Variants in ADCY5 observed in about 807,000 individuals in gnomAD.
ADCY5 encodes adenylate cyclase 5, also known as adenylate cyclase type 5.
ADCY5 carries 30 observed loss-of-function variants against 119.7 expected under a neutral mutation model. The ratio of observed to expected loss-of-function variants is 0.25; its 90% CI spans 0.19 to 0.34. ADCY5 has a LOEUF of 0.34. ADCY5 is among the 10% of genes least tolerant of loss of function. The pLI is 1.00. For missense variants in ADCY5, 1,324 were observed against 1,775.2 expected (o/e 0.75, Z 4.57); for synonymous variants, 753 against 762.2 (o/e 0.99, Z 0.20).
intron 2 of ADCY5, among the ~76,000 whole-genome samples, chr3:123,349,262 C>T (rs4450740): frequency 0.54 from 82,435 of 152,102 alleles, 23,654 homozygotes; most frequent in African/African-American, 0.74. Flanking sequence ...TGCACCAGTG[C>T]CAACATCCTG....
chr3:123,308,028 CTTTTTTTTTT>C (rs1178147327), intron 12 of ADCY5, among the ~76,000 whole-genome samples: 1 of 85,658 alleles, frequency 1.2e-5, no homozygotes, highest in African/African-American at 4.8e-5. Context: ...TTTTCATGCT[CTTTTTTTTTT>C]TTTTTTTTTT....
At chr3:123,432,619 C>T (rs1413929142) in intron 1 of ADCY5, among the ~76,000 whole-genome samples, 4 of 152,174 alleles carry the variant, frequency 2.6e-5, no homozygotes, top group African/African-American at 9.7e-5. Context: ...CAGCCTCGAC[C>T]TCCTGGGCTC....
chr3:123,297,456 C>T, intron 15 of ADCY5, 74 bp from the exon 16 acceptor site: 1 of 1,501,286 alleles, frequency 6.7e-7, no homozygotes, highest in African/African-American at 1.4e-5. Flanking sequence ...TGCTCAGCCC[C>T]CACGCCCTGC....
intron 14 of ADCY5, among the ~76,000 whole-genome samples, chr3:123,301,552 C>G (rs1020086294): frequency 6.6e-6 from 1 of 152,222 alleles, no homozygotes; most frequent in Admixed American, 6.5e-5. Flanking sequence ...GGGGACCCCC[C>G]AGGGTCTGGT....
intron 12 of ADCY5, among the ~76,000 whole-genome samples, chr3:123,307,546 G>T (rs1940266993): frequency 3.9e-5 from 6 of 152,214 alleles, no homozygotes; most frequent in Admixed American, 3.9e-4. Context: ...AGCTGGGGAA[G>T]TGTTTTGGCA....
chr3:123,355,163 A>G (rs1318862653), intron 1 of ADCY5, among the ~76,000 whole-genome samples: 2 of 152,230 alleles, frequency 1.3e-5, no homozygotes, highest in African/African-American at 4.8e-5. Flanking sequence ...AAGAAATAAA[A>G]CTGTCTCTAT....
Position 123,300,092 on chromosome 3 carries a change from T to C in ADCY5, c.2900+28A>G, listed in dbSNP as rs756813802. On this transcript the variant is annotated intron_variant, in intron 15 of 20. Transcript: ENST00000462833. ...CCTCCCTGCAATGTCTCATGCCCAG[T>C]GGGGAGCGTGAGGGAGGTGCCCCAT... The C allele has an allele frequency of 9.9e-6, 16 of 1,610,782 alleles. 1 individual carries two copies. In the South Asian group the frequency reaches 1.5e-4, roughly 16 times the overall value.
chr3:123,447,281 T>C (rs1167123907), intron 1 of ADCY5, 131 bp downstream of exon 1: 1 of 1,079,550 alleles, frequency 9.3e-7, no homozygotes. Context: ...CCAAATAGCC[T>C]ACATGGCCGA....
At chr3:123,395,198 A>G (rs1355817491) in intron 1 of ADCY5, among the ~76,000 whole-genome samples, 2 of 152,192 alleles carry the variant, frequency 1.3e-5, no homozygotes, top group Admixed American at 1.3e-4. Flanking sequence ...TGGTCTAACT[A>G]TCTGATAAAT....
Position 123,327,651 on chromosome 3 carries a change from C to T in ADCY5, c.1914G>A (p.Glu638=), listed in dbSNP as rs377549844. 3.7e-6 allele frequency: 6 copies of T among 1,613,986 alleles called. No individual in the cohort carries two copies. The highest frequency in any genetic ancestry group is 3.3e-5 in the Admixed American group (2 of 59,980). ...RNAYLKEHSI[E]TFLILRCTQK... Reference sequence around the variant, plus strand: ...GGGTGCAGCGCAGGATGAGGAAGGTCTCGATACTGTGCTCCTTGAGGTAGG... The same window carrying T: ...GGGTGCAGCGCAGGATGAGGAAGGTTTCGATACTGTGCTCCTTGAGGTAGG... The change falls in exon 7 of 21, where the codon GAG becomes GAA. Residue 638 remains glutamate (E), a synonymous_variant. Coordinates refer to ENST00000462833, the MANE Select transcript of ADCY5 (RefSeq NM_183357.3).
intron 1 of ADCY5, among the ~76,000 whole-genome samples, chr3:123,413,489 C>T (rs1945108985): frequency 6.6e-6 from 1 of 152,166 alleles, no homozygotes; most frequent in African/African-American, 2.4e-5. Flanking sequence ...AGAGGGCCTC[C>T]CCTCAGAAAC....
intron 3 of ADCY5, among the ~76,000 whole-genome samples, chr3:123,337,999 G>A (rs1022887820): frequency 5.3e-5 from 8 of 152,154 alleles, no homozygotes; most frequent in East Asian, 1.9e-4. Context: ...CCCAGCAGAC[G>A]CTCCCAGCCA....
intron 1 of ADCY5, among the ~76,000 whole-genome samples, chr3:123,396,737 G>GT (rs1944588870): frequency 6.8e-5 from 1 of 14,792 alleles, no homozygotes; most frequent in African/African-American, 1.5e-4. Context: ...GAGGAAGGAA[G>GT]GAAGGAAGGA....
At chr3:123,406,888 A>G (rs1019670333) in intron 1 of ADCY5, among the ~76,000 whole-genome samples, 3 of 152,068 alleles carry the variant, frequency 2.0e-5, no homozygotes, top group Non-Finnish European at 4.4e-5. Context: ...TGCCACTAGC[A>G]CACCCACCCT....
At chr3:123,428,059 C>T (rs984963016) in intron 1 of ADCY5, among the ~76,000 whole-genome samples, 1 of 152,192 alleles carries the variant, frequency 6.6e-6, no homozygotes, top group Non-Finnish European at 1.5e-5. Flanking sequence ...CGGACAGGGA[C>T]CCATGTCTGA....
At chr3:123,324,787 G>A (rs1328090746) in intron 8 of ADCY5, among the ~76,000 whole-genome samples, 1 of 152,230 alleles carries the variant, frequency 6.6e-6, no homozygotes, top group Non-Finnish European at 1.5e-5. Flanking sequence ...CCACTGGAAG[G>A]CTGGCATTAG....
chr3:123,324,326 C>T (rs1941364267), intron 8 of ADCY5, among the ~76,000 whole-genome samples: 1 of 151,958 alleles, frequency 6.6e-6, no homozygotes, highest in African/African-American at 2.4e-5. Flanking sequence ...ACAACCTCAA[C>T]CCAGTCTGCT....
chr3:123,419,204 G>A lies in ADCY5; in HGVS notation c.1134+28208C>T, dbSNP rs1010300123. On this transcript the variant is annotated intron_variant, in intron 1 of 20. Coordinates refer to ENST00000462833, the MANE Select transcript of ADCY5 (RefSeq NM_183357.3). ...CTCATCATGATTCCAGGCCCTCCAT[G>A]CATCTGACGAGCACACAGTCAGGTG... The A allele has an allele frequency of 1.9e-5, 19 of 985,258 alleles. No individual in the cohort carries two copies. The African/African-American group carries it at 2.6e-4, about 14-fold the overall frequency. 61.0% of individuals were successfully genotyped at this position (985,258 alleles called of 1,614,324 possible).
At position 123,347,895 on chromosome 3, in the gene ADCY5, G is replaced by A; in HGVS notation, c.1293C>T (p.Leu431=). 3 of 1,614,102 alleles carry A rather than the reference G, an allele frequency of 1.9e-6. No homozygotes were observed. Among genetic ancestry groups the A allele is most frequent in the Non-Finnish European group, 2.5e-6 (3 of 1,180,004 alleles). ...SQRENQQQER[L]LLSVLPRHVA... is the part of the protein sequence containing the mutation. ...CATGACGGGGAAGGACAGACAGCAG[G>A]AGCCGTTCCTGCAGAGGGAAGCACA... Residue 431 remains leucine, a synonymous_variant, in exon 3 of 21, where the codon CTC becomes CTT. Transcript: ENST00000462833.
Sources: gnomAD v4.1 joint callset for allele counts (sites outside exome capture counted in the v4.1 genomes callset) on GRCh38, gnomAD v4.1.1 for gene constraint, MANE v1.5 for transcripts, NCBI Gene and HGNC (gene_info 2026-07-23, HGNC 2026-07-21) for gene names.